The following LTBP2 variants were observed in gnomAD, a reference collection of about 807,000 sequenced individuals.
LTBP2 encodes the protein latent-transforming growth factor beta-binding protein 2.
LTBP2 carries 103 observed loss-of-function variants against 210.6 expected under a neutral mutation model. The ratio of observed to expected loss-of-function variants is 0.49; its 90% confidence interval spans 0.42 to 0.58. LTBP2 has a LOEUF of 0.58. LTBP2 is among the 20% of genes least tolerant of loss of function. LTBP2 has a pLI of 0.00. For missense variants in LTBP2, 2,313 were observed against 2,494.5 expected (o/e 0.93, Z 1.55); for synonymous variants, 1,007 against 1,015.0 (o/e 0.99, Z 0.15).
chr14:74,596,212 C>T (rs2139799623), intron 2 of LTBP2, among the ~76,000 whole-genome samples: 1 of 146,348 alleles, frequency 6.8e-6, no homozygotes, highest in East Asian at 2.0e-4. Context: ...GTGACAGAGC[C>T]AGATGCTGTT....
chr14:74,552,164 G>A (rs1052736506), intron 6 of LTBP2, 23 bp downstream of exon 6: 27 of 1,571,078 alleles, frequency 1.7e-5, no homozygotes, highest in Admixed American at 9.3e-5. Context: ...GGGTCCCGCC[G>A]GCCCAGCTGT....
intron 8 of LTBP2, among the ~76,000 whole-genome samples, chr14:74,547,048 C>T (rs1435918465): frequency 9.2e-5 from 14 of 152,250 alleles, no homozygotes; most frequent in Non-Finnish European, 1.9e-4. Flanking sequence ...TGGCATGGAC[C>T]TCACAGCCTG....
At chr14:74,594,177 C>T (rs757633388) in intron 2 of LTBP2, among the ~76,000 whole-genome samples, 3 of 152,132 alleles carry the variant, frequency 2.0e-5, no homozygotes, top group Non-Finnish European at 4.4e-5. Flanking sequence ...GGACTGCTTT[C>T]TAGGTGTCAA....
Position 74,504,042 on chromosome 14 carries a change from C to G in LTBP2, c.4466G>C (p.Cys1489Ser). The change falls in exon 31 of 36, where the codon TGT becomes TCT. Residue 1489 changes from cysteine to serine, a missense_variant. Cys to Ser is a moderately radical substitution (Grantham distance 112). Around this residue, in one of 3 missense-constraint regions of LTBP2, gnomAD observed 443 missense variants for 501.4 expected, o/e 0.88. Transcript: ENST00000261978. ...GCAGAGACCAGGCCCGAATATCACA[C>G]ACTCATCCGCATCTGTGGAAGGCAG... ...GQTMYTDADE[C>S]VIFGPGLCPN... is the part of the protein sequence containing the mutation. The G allele has an allele frequency of 6.2e-7, 1 of 1,613,942 alleles. No homozygotes were observed. The highest frequency in any genetic ancestry group is 8.5e-7 in the Non-Finnish European group (1 of 1,179,982).
chr14:74,498,753 G>A lies in LTBP2; in HGVS notation c.*2131C>T. On this transcript the variant is annotated 3_prime_UTR_variant, in exon 36 of 36. Coordinates refer to ENST00000261978, the MANE Select transcript of LTBP2 (RefSeq NM_000428.3). ...GTGAGGTATAAGGCGGAGTGGCAAG[G>A]ATGAGGTGAACAGACAACCGCTTCT... 4.3e-6 allele frequency: 1 copy of A among 231,878 alleles called. No homozygotes were observed. Among genetic ancestry groups the A allele is most frequent in the Non-Finnish European group, 8.5e-6 (1 of 117,186 alleles). The allele number at this position is 231,878 out of a possible 1,614,324, so 14.4% of individuals were successfully genotyped here. A position where few individuals can be genotyped will look rare whatever the true frequency, so the allele number is the denominator to read the frequency against.
rs2139684005 is a variant in LTBP2 at position 74,500,704 on chromosome 14, T to C, written c.*180A>G. ...GTGGTGCTTGAGCCAAGCAAGGGCATGGAGGCAATGACCGAAGCTTACAGC... is the reference window on the plus strand; with the variant it reads ...GTGGTGCTTGAGCCAAGCAAGGGCACGGAGGCAATGACCGAAGCTTACAGC... On this transcript the variant is annotated 3_prime_UTR_variant, in exon 36 of 36. Coordinates refer to ENST00000261978, the MANE Select transcript of LTBP2 (RefSeq NM_000428.3). 1 of 767,058 alleles carries C rather than the reference T, an allele frequency of 1.3e-6. No homozygotes were observed. Among genetic ancestry groups the C allele is most frequent in the Middle Eastern group, 3.6e-4 (1 of 2,776 alleles). The allele number at this position is 767,058 out of a possible 1,614,324, so 47.5% of individuals were successfully genotyped here.
chr14:74,570,063 G>A (rs1166087464), intron 3 of LTBP2, among the ~76,000 whole-genome samples: 1 of 152,208 alleles, frequency 6.6e-6, no homozygotes. Flanking sequence ...ATGCAAGGCA[G>A]GGCCTAGGGA....
At chr14:74,590,881 T>C (rs1020210773) in intron 2 of LTBP2, among the ~76,000 whole-genome samples, 43 of 151,816 alleles carry the variant, frequency 2.8e-4, no homozygotes, top group African/African-American at 1.0e-3. Flanking sequence ...AAAAACTACA[T>C]ATTGGGTAAA....
At position 74,503,986 on chromosome 14, in the gene LTBP2, C is replaced by G; in HGVS notation, c.4522G>C (p.Gly1508Arg). The G allele has an allele frequency of 6.2e-7, 1 of 1,614,136 alleles. No individual in the cohort carries two copies. Among genetic ancestry groups the G allele is most frequent in the African/African-American group, 1.3e-5 (1 of 75,052 alleles). ...PNGRCLNTVP[G>R]YVCLCNPGFH... ...CCGGGATTGCACAGGCAGACATAAC[C>G]AGGCACGGTGTTGAGGCACCGGCCG... Residue 1508 changes from glycine to arginine, a missense_variant, in exon 31 of 36, where the codon GGT becomes CGT. Physicochemically the swap from Gly to Arg is moderately radical, Grantham distance 125. This residue lies in a region of LTBP2 where 443 missense variants were observed against 501.4 expected (regional missense o/e 0.88). Coordinates refer to ENST00000261978, the MANE Select transcript of LTBP2 (RefSeq NM_000428.3).
At position 74,504,014 on chromosome 14, in the gene LTBP2, C is replaced by G. The variant is rs756171656; in HGVS notation, c.4494G>C (p.Pro1498=). Residue 1498 remains proline (P), a synonymous_variant, in exon 31 of 36, where the codon CCG becomes CCC. Transcript: ENST00000261978. ...GCACGGTGTTGAGGCACCGGCCGTT[C>G]GGGCAGAGACCAGGCCCGAATATCA... ...ECVIFGPGLC[P]NGRCLNTVPG... is the part of the protein sequence containing the mutation. The G allele has an allele frequency of 1.9e-6, 3 of 1,613,928 alleles. No individual in the cohort carries two copies. Among genetic ancestry groups the G allele is most frequent in the African/African-American group, 2.7e-5 (2 of 74,920 alleles).
rs147995095 is a variant in LTBP2, at chr14:74,568,524, C to T, written c.831-12831G>A. On this transcript the variant is annotated intron_variant, in intron 3 of 35. Transcript: ENST00000261978. Reference sequence around the variant, plus strand: ...GCATGGTGTTCAGGGATAATCAGACCTGTCTGATTAAAGAGAAATAGGAGG... The same window carrying T: ...GCATGGTGTTCAGGGATAATCAGACTTGTCTGATTAAAGAGAAATAGGAGG... Among the ~76,000 whole-genome samples, 88 of 152,124 alleles carry T rather than the reference C, an allele frequency of 5.8e-4. No homozygotes were observed. The East Asian group carries it at 0.015, about 27-fold the overall frequency.
At chr14:74,522,684 C>T (rs2087221636) in intron 16 of LTBP2, 106 bp downstream of exon 16, 2 of 1,362,674 alleles carry the variant, frequency 1.5e-6, no homozygotes, top group South Asian at 1.4e-5. Flanking sequence ...AACCACCCAG[C>T]ACTGCTTGGA....
At chr14:74,552,145 C>T in intron 6 of LTBP2, 42 bp downstream of exon 6, 1 of 1,546,112 alleles carries the variant, frequency 6.5e-7, no homozygotes, top group Non-Finnish European at 8.7e-7. Context: ...CCAACTGGCA[C>T]TCCTCCCAGG....
chr14:74,501,133 C>A (rs556951890), intron 35 of LTBP2, 104 bp from the exon 36 acceptor site: 2 of 1,382,694 alleles, frequency 1.4e-6, no homozygotes, highest in East Asian at 2.5e-5. Flanking sequence ...AGAGTGAAAC[C>A]CTAAGTGTGA....
rs531506728 is a variant in LTBP2 at position 74,522,815 on chromosome 14, C to T, written c.2634G>A (p.Leu878=). Reference sequence around the variant, plus strand: ...CTGTGCAGTAGGCCTGGCTGGGGTGCAGCTGGTAGCCAGGGCTGCAGACAC... The same window carrying T: ...CTGTGCAGTAGGCCTGGCTGGGGTGTAGCTGGTAGCCAGGGCTGCAGACAC... The part of the protein sequence containing the change: ...YRCVCSPGYQ[L]HPSQAYCTDD... Residue 878 remains leucine (L), a synonymous_variant, in exon 16 of 36, where the codon CTG becomes CTA. Transcript: ENST00000261978. 3 of 1,611,486 alleles carry T rather than the reference C, an allele frequency of 1.9e-6. No individual in the cohort carries two copies. In the South Asian group the frequency reaches 3.3e-5, roughly 18 times the overall value.
chr14:74,550,662 A>G (rs1443804775), intron 7 of LTBP2, among the ~76,000 whole-genome samples: 1 of 152,094 alleles, frequency 6.6e-6, no homozygotes, highest in Non-Finnish European at 1.5e-5. Context: ...CCATTTGTTA[A>G]TTCCACACCT....
rs2196861 is a variant in LTBP2 at position 74,549,779 on chromosome 14, T to A, written c.1789+84A>T. The A allele has an allele frequency of 1.6e-5, 19 of 1,171,458 alleles. No homozygotes were observed. The East Asian group carries it at 3.5e-4, about 22-fold the overall frequency. The allele number at this position is 1,171,458 out of a possible 1,614,324, so 72.6% of individuals were successfully genotyped here. A position where few individuals can be genotyped will look rare whatever the true frequency, so the allele number is the denominator to read the frequency against. ...TGTTCTACCTGCCTGGCCTCTGACA[T>A]CCTGGAGGGGAAACCCTGGCAGGAG... On this transcript the variant is annotated intron_variant, in intron 8 of 35. Coordinates refer to ENST00000261978, the MANE Select transcript of LTBP2 (RefSeq NM_000428.3).
chr14:74,578,671 G>C (rs1439274673), intron 3 of LTBP2, among the ~76,000 whole-genome samples: 1 of 152,126 alleles, frequency 6.6e-6, no homozygotes, highest in Non-Finnish European at 1.5e-5. Context: ...CCGCCTCTAG[G>C]TTCACGATAT....
At chr14:74,512,059 A>T (rs1415149092) in intron 18 of LTBP2, among the ~76,000 whole-genome samples, 1 of 152,224 alleles carries the variant, frequency 6.6e-6, no homozygotes, top group Non-Finnish European at 1.5e-5. Context: ...GAGAGGACCC[A>T]GGAAGGGAGA....
Sources: allele counts gnomAD v4.1 joint callset (sites outside exome capture counted in the v4.1 genomes callset), GRCh38; gene constraint gnomAD v4.1.1; regional missense constraint gnomAD v4.1.1; transcripts MANE v1.5; gene names NCBI Gene and HGNC (gene_info 2026-07-23, HGNC 2026-07-21).